Variants in IL1RAPL1 observed in about 807,000 individuals in gnomAD.
The protein encoded by IL1RAPL1 is interleukin-1 receptor accessory protein-like 1.
IL1RAPL1 carries 3 observed loss-of-function variants against 48.4 expected under a neutral mutation model. The ratio of observed to expected loss-of-function variants is 0.06; its 90% CI spans 0.03 to 0.16. IL1RAPL1 has a LOEUF of 0.16. IL1RAPL1 is among the 10% of genes least tolerant of loss of function. The pLI is 1.00. For synonymous variants in IL1RAPL1, 185 were observed against 187.7 expected, an observed-to-expected ratio of 0.99 and a Z score of 0.12; for missense variants, 349 against 530.6, an observed-to-expected ratio of 0.66 and a Z score of 3.36.
At chrX:29,426,566 C>T (rs1435826162) in intron 5 of IL1RAPL1, among the ~76,000 whole-genome samples, 1 of 111,480 alleles carries the variant, frequency 9.0e-6, no homozygotes, top group Non-Finnish European at 1.9e-5. Context: ...ATGTTGGGAA[C>T]AATATTTAAC....
intron 5 of IL1RAPL1, among the ~76,000 whole-genome samples, chrX:29,410,709 A>T (rs1934133171): frequency 8.9e-6 from 1 of 111,895 alleles, no homozygotes; most frequent in Non-Finnish European, 1.9e-5. Flanking sequence ...GCTTGCAAGA[A>T]TGTTCTTTTT....
chrX:28,817,762 A>G (rs1171908970), intron 2 of IL1RAPL1, among the ~76,000 whole-genome samples: 1 of 111,047 alleles, frequency 9.0e-6, no homozygotes, highest in African/African-American at 3.3e-5. Context: ...TAGCTAAGTA[A>G]TTAATTCTTA....
At chrX:29,100,907 A>T (rs1257822314) in intron 2 of IL1RAPL1, among the ~76,000 whole-genome samples, 1 of 112,123 alleles carries the variant, frequency 8.9e-6, no homozygotes, top group African/African-American at 3.2e-5. Context: ...TTATATTTTG[A>T]AATATTGACA....
intron 2 of IL1RAPL1, among the ~76,000 whole-genome samples, chrX:28,944,822 T>G (rs1365219070): frequency 9.1e-6 from 1 of 109,876 alleles, no homozygotes; most frequent in Non-Finnish European, 1.9e-5. Context: ...TGACTATGGT[T>G]TTCCATCTTG....
intron 9 of IL1RAPL1, among the ~76,000 whole-genome samples, chrX:29,948,793 A>C (rs1431421024): frequency 9.3e-6 from 1 of 108,063 alleles, no homozygotes; most frequent in Non-Finnish European, 1.9e-5. Context: ...AGCCTCTGCC[A>C]CTAGTCAATT....
chrX:29,147,840 T>C (rs1345087872), intron 2 of IL1RAPL1, among the ~76,000 whole-genome samples: 1 of 112,231 alleles, frequency 8.9e-6, no homozygotes, highest in Non-Finnish European at 1.9e-5. Context: ...CAGAAATCTC[T>C]CAAAGTGTGT....
intron 2 of IL1RAPL1, among the ~76,000 whole-genome samples, chrX:29,135,958 A>G (rs1413613234): frequency 1.8e-5 from 2 of 110,541 alleles, no homozygotes; most frequent in Non-Finnish European, 3.8e-5. Context: ...GCTGGTCTCA[A>G]ACTCCTGACC....
At chrX:29,049,843 A>G (rs945776884) in intron 2 of IL1RAPL1, among the ~76,000 whole-genome samples, 6 of 112,638 alleles carry the variant, frequency 5.3e-5, no homozygotes, top group Non-Finnish European at 9.4e-5. Flanking sequence ...GCTAAATGCA[A>G]TGTTAACGTA....
intron 6 of IL1RAPL1, among the ~76,000 whole-genome samples, chrX:29,875,321 A>G (rs1338687001): frequency 8.9e-6 from 1 of 111,806 alleles, no homozygotes; most frequent in Non-Finnish European, 1.9e-5. Flanking sequence ...GGAGTTGTGC[A>G]GACTTTAAAA....
At chrX:28,704,833 A>ACACAC (rs1569155058) in intron 1 of IL1RAPL1, among the ~76,000 whole-genome samples, 77 of 83,000 alleles carry the variant, frequency 9.3e-4, no homozygotes, top group African/African-American at 3.4e-3. Flanking sequence ...CACACACACA[A>ACACAC]AAAAAAAAAA....
intron 3 of IL1RAPL1, among the ~76,000 whole-genome samples, chrX:29,363,653 T>C (rs192447814): frequency 1.9e-3 from 216 of 111,518 alleles, no homozygotes; most frequent in Middle Eastern, 4.6e-3. Flanking sequence ...TAGTAGCTTC[T>C]GCATCTCGGG....
chrX:29,475,471 C>T (rs929056549), intron 5 of IL1RAPL1, among the ~76,000 whole-genome samples: 5 of 111,807 alleles, frequency 4.5e-5, no homozygotes, highest in African/African-American at 1.3e-4. Context: ...TTAGGTTTAC[C>T]ATAGCGTTCT....
At chrX:28,870,491 C>A (rs960592772) in intron 2 of IL1RAPL1, among the ~76,000 whole-genome samples, 3 of 111,559 alleles carry the variant, frequency 2.7e-5, no homozygotes, top group African/African-American at 9.8e-5. Context: ...AAAATTACAT[C>A]ATTTATAGAA....
chrX:28,639,759 A>G (rs1285450550), intron 1 of IL1RAPL1, among the ~76,000 whole-genome samples: 1 of 112,113 alleles, frequency 8.9e-6, no homozygotes, highest in Non-Finnish European at 1.9e-5. Context: ...GAGCCCTGGA[A>G]CAAAAATTGT....
chrX:28,664,728 A>G (rs906572962), intron 1 of IL1RAPL1, among the ~76,000 whole-genome samples: 1 of 111,604 alleles, frequency 9.0e-6, no homozygotes, highest in Admixed American at 9.6e-5. Flanking sequence ...CCTCTAAGCT[A>G]CACTCTACTA....
chrX:29,637,487 T>C (rs779274672), intron 5 of IL1RAPL1, among the ~76,000 whole-genome samples: 1 of 111,276 alleles, frequency 9.0e-6, no homozygotes, highest in South Asian at 3.7e-4. Flanking sequence ...GAAGCAAATA[T>C]GACAGATTTT....
At chrX:28,854,231 A>G (rs1921745319) in intron 2 of IL1RAPL1, among the ~76,000 whole-genome samples, 1 of 111,904 alleles carries the variant, frequency 8.9e-6, no homozygotes, top group Non-Finnish European at 1.9e-5. Context: ...AGGAGGAAAG[A>G]CAAATTAAGA....
chrX:28,614,260 A>G (rs1601834864), intron 1 of IL1RAPL1, among the ~76,000 whole-genome samples: 2 of 111,776 alleles, frequency 1.8e-5, no homozygotes, highest in Admixed American at 1.9e-4. Flanking sequence ...CCACAAAACC[A>G]AAGTGCTGAG....
chrX:29,945,677 A>T (rs1474251809), intron 9 of IL1RAPL1, among the ~76,000 whole-genome samples: 1 of 111,849 alleles, frequency 8.9e-6, no homozygotes, highest in Non-Finnish European at 1.9e-5. Context: ...AAATTCCAAG[A>T]TATACAGCCA....
Sources: gnomAD v4.1 joint callset for allele counts (sites outside exome capture counted in the v4.1 genomes callset) on GRCh38, gnomAD v4.1.1 for gene constraint, MANE v1.5 for transcripts, NCBI Gene and HGNC (gene_info 2026-07-23, HGNC 2026-07-21) for gene names.